The following ELP4 variants were observed in gnomAD, a reference collection of about 807,000 sequenced individuals.
ELP4 encodes elongator acetyltransferase complex subunit 4.
In ELP4, 51 loss-of-function variants were observed where a neutral mutation model predicts 48.9. The ratio of observed to expected loss-of-function variants is 1.04; its 90% confidence interval spans 0.83 to 1.32. ELP4 has a LOEUF of 1.32. ELP4 is among the 40% of genes most tolerant of loss of function. The pLI is 0.00. For synonymous variants in ELP4, 210 were observed against 189.2 expected, an observed-to-expected ratio of 1.11 and a Z score of -0.90; for missense variants, 519 against 514.6, an observed-to-expected ratio of 1.01 and a Z score of -0.08.
At chr11:31,630,179 G>T (rs1034880314) in intron 6 of ELP4, among the ~76,000 whole-genome samples, 3 of 149,668 alleles carry the variant, frequency 2.0e-5, no homozygotes, top group African/African-American at 7.4e-5. Flanking sequence ...TCATGTTTTA[G>T]GTCCTTAGAG....
At chr11:31,572,957 G>T (rs1215010559) in intron 3 of ELP4, among the ~76,000 whole-genome samples, 1 of 152,110 alleles carries the variant, frequency 6.6e-6, no homozygotes, top group Non-Finnish European at 1.5e-5. Flanking sequence ...GCAGTGAGCT[G>T]TGTTTGCACC....
rs1379160083 is a variant in ELP4, at chr11:31,787,613, A to G, written c.*4089A>G. ...TGTCTGCACCGGCAATTGTACCAAC[A>G]GTGCGTATGTGTGCTCACTCCCCTG... On this transcript the variant is annotated 3_prime_UTR_variant, in exon 10 of 10. Transcript: ENST00000640961. 4.3e-6 allele frequency: 1 copy of G among 232,258 alleles called. No homozygotes were observed. The highest frequency in any genetic ancestry group is 8.5e-6 in the Non-Finnish European group (1 of 117,472). 14.4% of individuals were successfully genotyped at this position (232,258 alleles called of 1,614,324 possible).
chr11:31,514,125 A>G (rs1565029710), intron 1 of ELP4, among the ~76,000 whole-genome samples: 1 of 152,188 alleles, frequency 6.6e-6, no homozygotes, highest in Non-Finnish European at 1.5e-5. Context: ...TAAGATGGAA[A>G]TAAGTATACA....
intron 3 of ELP4, among the ~76,000 whole-genome samples, chr11:31,559,687 T>C (rs1178369414): frequency 1.3e-5 from 2 of 152,090 alleles, no homozygotes; most frequent in African/African-American, 4.8e-5. Flanking sequence ...GCAGATCACC[T>C]GAGGTCAGGA....
chr11:31,536,938 A>G (rs1956511629), intron 2 of ELP4, among the ~76,000 whole-genome samples: 1 of 152,204 alleles, frequency 6.6e-6, no homozygotes, highest in African/African-American at 2.4e-5. Context: ...TGCCTGTTTT[A>G]AATCTTCCTA....
intron 3 of ELP4, among the ~76,000 whole-genome samples, chr11:31,593,262 G>GTTGTTC (rs1957616813): frequency 6.6e-6 from 1 of 151,118 alleles, no homozygotes; most frequent in Admixed American, 6.6e-5. Context: ...TGTTGTTGTT[G>GTTGTTC]TTGTTGTTAA....
chr11:31,588,413 G>C (rs1228506430), intron 3 of ELP4, among the ~76,000 whole-genome samples: 1 of 152,076 alleles, frequency 6.6e-6, no homozygotes, highest in Non-Finnish European at 1.5e-5. Flanking sequence ...CTTCCCACCA[G>C]CAGTGAATAA....
chr11:31,773,776 C>T lies in ELP4; in HGVS notation c.1144-9617C>T, dbSNP rs930929862. 2.0e-5 allele frequency among the ~76,000 whole-genome samples: 3 copies of T among 152,170 alleles called. No individual in the cohort carries two copies. In the South Asian group the frequency reaches 6.2e-4, roughly 32 times the overall value. Reference sequence around the variant, plus strand: ...TGCATCTAATTGGATAAAGCTAATGCACACCTTCATAGCCCCTGATGTGTA... The same window carrying T: ...TGCATCTAATTGGATAAAGCTAATGTACACCTTCATAGCCCCTGATGTGTA... On this transcript the variant is annotated intron_variant, in intron 9 of 9. Coordinates refer to ENST00000640961, the MANE Select transcript of ELP4 (RefSeq NM_019040.5).
At chr11:31,630,277 A>G (rs1326358295) in intron 6 of ELP4, among the ~76,000 whole-genome samples, 3 of 134,816 alleles carry the variant, frequency 2.2e-5, no homozygotes, top group Non-Finnish European at 3.1e-5. Context: ...TATCCAGGCC[A>G]TTATATCCCT....
chr11:31,714,979 G>T, intron 9 of ELP4: 1 of 395,594 alleles, frequency 2.5e-6, no homozygotes, highest in Non-Finnish European at 4.4e-6. Flanking sequence ...AGGTTCCAAA[G>T]ACTGTGGTAT....
chr11:31,749,821 T>C (rs1030744989), intron 9 of ELP4, among the ~76,000 whole-genome samples: 2 of 152,160 alleles, frequency 1.3e-5, no homozygotes, highest in Non-Finnish European at 2.9e-5. Context: ...TTTAAGCAGC[T>C]TTATTCCCTG....
At chr11:31,727,714 C>T (rs1947103768) in intron 9 of ELP4, 1 of 152,132 alleles carries the variant, frequency 6.6e-6, no homozygotes, top group South Asian at 2.1e-4. Context: ...TATTGTTTCA[C>T]ATAATAACTA....
At chr11:31,593,356 G>A (rs944138451) in intron 3 of ELP4, among the ~76,000 whole-genome samples, 8 of 151,936 alleles carry the variant, frequency 5.3e-5, no homozygotes, top group Admixed American at 2.6e-4. Context: ...GGGCTCAAGC[G>A]ATCCTCCCCT....
chr11:31,695,286 T>C (rs1437440182), intron 9 of ELP4, among the ~76,000 whole-genome samples: 1 of 152,206 alleles, frequency 6.6e-6, no homozygotes, highest in Admixed American at 6.6e-5. Flanking sequence ...TGTTATTGGC[T>C]GTGGGTTTGT....
intron 8 of ELP4, chr11:31,648,934 A>C (rs1945263422): frequency 6.6e-6 from 1 of 151,772 alleles, no homozygotes; most frequent in South Asian, 2.1e-4. Flanking sequence ...ATAGCTAAGC[A>C]AGCACATTCA....
At chr11:31,709,497 C>A (rs1158313236) in intron 9 of ELP4, among the ~76,000 whole-genome samples, 1 of 152,026 alleles carries the variant, frequency 6.6e-6, no homozygotes, top group African/African-American at 2.4e-5. Flanking sequence ...TACCAAGTCT[C>A]GTAAAATATG....
At chr11:31,575,055 G>A (rs1044241978) in intron 3 of ELP4, among the ~76,000 whole-genome samples, 7 of 152,120 alleles carry the variant, frequency 4.6e-5, no homozygotes, top group Admixed American at 6.5e-5. Context: ...AAGATTAGAC[G>A]AATGGCTAAC....
At chr11:31,549,627 C>G (rs1316299683) in intron 3 of ELP4, among the ~76,000 whole-genome samples, 1 of 151,932 alleles carries the variant, frequency 6.6e-6, no homozygotes, top group Admixed American at 6.6e-5. Context: ...CCCAGCCATC[C>G]CATTACTGGG....
At chr11:31,695,007 G>T (rs1225031743) in intron 9 of ELP4, among the ~76,000 whole-genome samples, 1 of 152,116 alleles carries the variant, frequency 6.6e-6, no homozygotes, top group Admixed American at 6.6e-5. Flanking sequence ...CATTGATTTT[G>T]TATCCTGAGA....
Sources: allele counts gnomAD v4.1 joint callset (sites outside exome capture counted in the v4.1 genomes callset), GRCh38; gene constraint gnomAD v4.1.1; transcripts MANE v1.5; gene names NCBI Gene and HGNC (gene_info 2026-07-23, HGNC 2026-07-21).